Variants in ZNF728 observed in about 807,000 individuals in gnomAD.
ZNF728 encodes zinc finger protein 728.
Under a neutral mutation model 12.5 loss-of-function variants are expected in ZNF728, and 12 were observed. The ratio of observed to expected loss-of-function variants is 0.96; its 90% CI spans 0.61 to 1.55. The LOEUF (loss-of-function observed/expected upper bound fraction) is 1.55. Ranked by LOEUF, ZNF728 falls within the 40% of genes most tolerant of loss-of-function variation. ZNF728 has a pLI of 0.00. For missense variants in ZNF728, 692 were observed against 719.2 expected (o/e 0.96, Z 0.43); for synonymous variants, 205 against 240.7 (o/e 0.85, Z 1.37).
chr19:23,001,064 G>A (rs564827612), intron 1 of ZNF728, among the ~76,000 whole-genome samples: 1 of 130,866 alleles, frequency 7.6e-6, no homozygotes, highest in Non-Finnish European at 1.6e-5. Flanking sequence ...TCTGAACTAT[G>A]CCCCAGAGTG....
chr19:22,981,315 C>G (rs1192572988), intron 3 of ZNF728, among the ~76,000 whole-genome samples: 1 of 152,172 alleles, frequency 6.6e-6, no homozygotes. Flanking sequence ...ATGCACCCTT[C>G]CAAGTCTAAA....
chr19:23,000,107 G>A (rs1045766385), intron 1 of ZNF728, among the ~76,000 whole-genome samples: 2 of 152,084 alleles, frequency 1.3e-5, no homozygotes, highest in African/African-American at 4.8e-5. Context: ...GGTGGCTTAC[G>A]CCTGTAATCC....
In ZNF728 at chr19:22,976,675, A is replaced by T. The variant is rs1442317485; in HGVS notation, c.662T>A (p.Ile221Asn). The change falls in exon 4 of 4, where the codon ATT becomes AAT. Residue 221 changes from isoleucine (I) to asparagine (N), a missense_variant. Around this residue, in one of 3 missense-constraint regions of ZNF728, gnomAD observed 440 missense variants for 459.6 expected, o/e 0.96. Coordinates refer to ENST00000594710, the MANE Select transcript of ZNF728 (RefSeq NM_001267716.2). ...TTTGCAGGGTTTCTCTCCAGTATGAATTCTCTTATAAGTAAGGGCTGAGGA... is the reference window on the plus strand; with the variant it reads ...TTTGCAGGGTTTCTCTCCAGTATGATTTCTCTTATAAGTAAGGGCTGAGGA... ...NWSSALTYKR[I>N]HTGEKPCKCE... 2 of 1,613,046 alleles carry T rather than the reference A, an allele frequency of 1.2e-6. No homozygotes were observed. Among genetic ancestry groups the T allele is most frequent in the African/African-American group, 2.7e-5 (2 of 74,938 alleles).
intron 3 of ZNF728, among the ~76,000 whole-genome samples, chr19:22,981,139 G>A (rs1968858114): frequency 6.6e-6 from 1 of 151,842 alleles, no homozygotes; most frequent in Admixed American, 6.6e-5. Context: ...CTGCTAGCCA[G>A]TCTAATAAAG....
intron 1 of ZNF728, 136 bp downstream of exon 1, chr19:23,002,892 C>T: frequency 8.4e-7 from 1 of 1,190,432 alleles, no homozygotes; most frequent in Non-Finnish European, 1.2e-6. Context: ...GGACTGAGGT[C>T]GAGCTAGGCA....
intron 3 of ZNF728, among the ~76,000 whole-genome samples, chr19:22,978,900 G>A (rs1968833401): frequency 6.6e-6 from 1 of 152,188 alleles, no homozygotes; most frequent in African/African-American, 2.4e-5. Context: ...TAAAGATGGG[G>A]AGAAGCCAGT....
At chr19:22,997,869 GAAGA>G (rs1441073407) in intron 1 of ZNF728, among the ~76,000 whole-genome samples, 1 of 151,252 alleles carries the variant, frequency 6.6e-6, no homozygotes, top group Non-Finnish European at 1.5e-5. Flanking sequence ...AAAAAATCTA[GAAGA>G]AATGAAAAAA....
Position 22,998,408 on chromosome 19 carries a change from T to C in ZNF728, c.3+4620A>G, listed in dbSNP as rs115531532. 3.6e-3 allele frequency among the ~76,000 whole-genome samples: 542 copies of C among 151,826 alleles called. 3 individuals carry two copies. The highest frequency in any genetic ancestry group is 0.013 in the African/African-American group (524 of 41,422). ...AGCTAGGCATGGTGGCACAAGACTTTAGTCTTAGCTACTTGGGAAGCTTAA... is the reference window on the plus strand; with the variant it reads ...AGCTAGGCATGGTGGCACAAGACTTCAGTCTTAGCTACTTGGGAAGCTTAA... On this transcript the variant is annotated intron_variant, in intron 1 of 3. Coordinates refer to ENST00000594710, the MANE Select transcript of ZNF728 (RefSeq NM_001267716.2).
At chr19:22,986,140 G>T (rs533718439) in intron 3 of ZNF728, among the ~76,000 whole-genome samples, 1 of 152,044 alleles carries the variant, frequency 6.6e-6, no homozygotes, top group South Asian at 2.1e-4. Context: ...CCCAACAAAA[G>T]ATTTTTACCC....
intron 3 of ZNF728, among the ~76,000 whole-genome samples, chr19:22,983,853 C>A (rs547356854): frequency 2.6e-5 from 4 of 151,876 alleles, no homozygotes; most frequent in African/African-American, 9.7e-5. Flanking sequence ...CAGGGCCTGT[C>A]GGGGAGTGGG....
intron 2 of ZNF728, among the ~76,000 whole-genome samples, 200 bp from the exon 3 acceptor site, chr19:22,987,603 T>A (rs576577795): frequency 2.0e-5 from 3 of 152,304 alleles, no homozygotes; most frequent in African/African-American, 7.2e-5. Flanking sequence ...TACTACTGAA[T>A]TAAAAATTGG....
rs1387565345 is a variant in ZNF728 at position 23,003,003 on chromosome 19, G to A, written c.3+25C>T. The A allele has an allele frequency of 5.0e-6, 8 of 1,586,214 alleles. No homozygotes were observed. In the East Asian group the frequency reaches 1.8e-4, roughly 37 times the overall value. On this transcript the variant is annotated intron_variant, in intron 1 of 3. Transcript: ENST00000594710. ...TCCAACCAGCGGCTGCCACTCTCTC[G>A]GGATGTCGGACCCGGCTGACTCACC... is the stretch of plus-strand genomic sequence containing the variant.
chr19:22,978,511 A>T (rs554667651), intron 3 of ZNF728, among the ~76,000 whole-genome samples: 117 of 152,368 alleles, frequency 7.7e-4, no homozygotes, highest in African/African-American at 2.8e-3. Context: ...AGCTCTGCTA[A>T]GGGTCAGACT....
In ZNF728 at chr19:22,996,777, C is replaced by CT. The variant is rs554152608; in HGVS notation, c.3+6250dup. Among the ~76,000 whole-genome samples, 85 of 152,010 alleles carry CT rather than the reference C, an allele frequency of 5.6e-4. 1 individual carries two copies. The South Asian group carries it at 0.017, about 30-fold the overall frequency. On this transcript the variant is annotated intron_variant, in intron 1 of 3. Transcript: ENST00000594710. ...AAGAAATATATACATATAATCTAAA[C>CT]TTTTTTTTAAAAAATTAACAAGTTA...
intron 3 of ZNF728, among the ~76,000 whole-genome samples, chr19:22,981,396 T>C (rs1422643087): frequency 6.6e-6 from 1 of 151,862 alleles, no homozygotes; most frequent in East Asian, 1.9e-4. Flanking sequence ...TATTAGCCCA[T>C]CAATAAAAAA....
At chr19:22,995,964 T>C (rs1969046113) in intron 1 of ZNF728, 1 of 152,170 alleles carries the variant, frequency 6.6e-6, no homozygotes, top group Admixed American at 6.5e-5. Context: ...TTATTTGTCC[T>C]GTAATAGCAG....
intron 3 of ZNF728, among the ~76,000 whole-genome samples, chr19:22,978,448 C>T (rs1187156522): frequency 6.6e-6 from 1 of 152,200 alleles, no homozygotes; most frequent in African/African-American, 2.4e-5. Flanking sequence ...ATGCTGAAAG[C>T]AGTTCTTACC....
At position 22,975,943 on chromosome 19, in the gene ZNF728, G is replaced by C; in HGVS notation, c.1394C>G (p.Ser465Ter). 1 of 1,606,458 alleles carries C rather than the reference G, an allele frequency of 6.2e-7. No homozygotes were observed. Among genetic ancestry groups the C allele is most frequent in the Non-Finnish European group, 8.5e-7 (1 of 1,174,468 alleles). ...AATTGCCTTATGTGTAGTAAGGCTT[G>C]AGGACCAGCTGAAGACTTTGCCACA... ...EECGKVFSWSSSLTTHKAIHA... is the reference protein window; with the variant it reads ...EECGKVFSWS The change falls in exon 4 of 4, where the codon TCA (serine) becomes TGA (stop). Residue 465 changes from serine to a stop codon, truncating the protein, a stop_gained. Transcript: ENST00000594710. LOFTEE classifies it low-confidence loss of function (END_TRUNC).
At chr19:23,000,182 C>A (rs113694134) in intron 1 of ZNF728, among the ~76,000 whole-genome samples, 1,709 of 151,982 alleles carry the variant, frequency 0.011, 33 homozygotes, top group African/African-American at 0.039. Context: ...CCCTGGCTAA[C>A]ATGGCTAATA....
Sources: gnomAD v4.1 joint callset for allele counts (sites outside exome capture counted in the v4.1 genomes callset) on GRCh38, gnomAD v4.1.1 for gene constraint, gnomAD v4.1.1 regional missense constraint, MANE v1.5 for transcripts, NCBI Gene and HGNC (gene_info 2026-07-23, HGNC 2026-07-21) for gene names.